Variants in DLG2 observed in about 807,000 individuals in gnomAD.
DLG2 encodes the protein disks large homolog 2.
In DLG2, 45 loss-of-function variants were observed where a neutral mutation model predicts 132.5. The observed-to-expected ratio is 0.34, with a 90% confidence interval of 0.27 to 0.44. The LOEUF is 0.44. DLG2 is among the 20% of genes least tolerant of loss of function. The pLI is 1.00. For synonymous variants in DLG2, 424 were observed against 419.6 expected (o/e 1.01, Z -0.13); for missense variants, 1,045 against 1,196.9 (o/e 0.87, Z 1.87).
intron 12 of DLG2, among the ~76,000 whole-genome samples, chr11:83,973,957 TCTAA>T (rs143812693): frequency 0.043 from 6,612 of 152,102 alleles, 199 homozygotes; most frequent in Non-Finnish European, 0.067. Context: ...TTGTCTAAGT[TCTAA>T]CTGAGTTCTA....
At chr11:84,249,090 C>T (rs900942046) in intron 8 of DLG2, among the ~76,000 whole-genome samples, 3 of 152,160 alleles carry the variant, frequency 2.0e-5, no homozygotes, top group African/African-American at 4.8e-5. Context: ...CTGGCAGTTA[C>T]GCCACCAGAA....
chr11:85,081,502 A>AC (rs1211048175), intron 6 of DLG2, among the ~76,000 whole-genome samples: 1 of 152,132 alleles, frequency 6.6e-6, no homozygotes, highest in Non-Finnish European at 1.5e-5. Flanking sequence ...GGTCCTAGAA[A>AC]CCAGAACTCC....
At chr11:84,791,941 T>A (rs781329311) in intron 6 of DLG2, among the ~76,000 whole-genome samples, 2 of 152,176 alleles carry the variant, frequency 1.3e-5, no homozygotes, top group Non-Finnish European at 2.9e-5. Context: ...ATTGTCTGAT[T>A]GCTGTAGCTA....
chr11:85,122,967 ATATTTTTT>A (rs1410992786), intron 5 of DLG2, among the ~76,000 whole-genome samples: 1 of 11,656 alleles, frequency 8.6e-5, no homozygotes, highest in African/African-American at 5.0e-4. Flanking sequence ...ATATATATAT[ATATTTTTT>A]TTTTTTTTTT....
rs1791836135 is a variant in DLG2, at chr11:84,289,857, T to C, written c.520-38566A>G. ...CAAAGTATTTTAGGATACTGTGTGA[T>C]GATCAGAGAAAGAAAACTTGTTTGA... is the stretch of plus-strand genomic sequence containing the variant. On this transcript the variant is annotated intron_variant, in intron 7 of 27. Coordinates refer to ENST00000376104, the MANE Select transcript of DLG2 (RefSeq NM_001142699.3). Among the ~76,000 whole-genome samples, 4 of 152,190 alleles carry C rather than the reference T, an allele frequency of 2.6e-5. No homozygotes were observed. The South Asian group carries it at 8.3e-4, about 31-fold the overall frequency.
At chr11:84,568,951 T>G (rs1291781339) in intron 6 of DLG2, among the ~76,000 whole-genome samples, 3 of 152,168 alleles carry the variant, frequency 2.0e-5, no homozygotes, top group South Asian at 4.1e-4. Flanking sequence ...TCCCCCTAAC[T>G]TTATAGCCTA....
chr11:85,199,385 G>T (rs893486231), intron 4 of DLG2, among the ~76,000 whole-genome samples: 6 of 152,148 alleles, frequency 3.9e-5, no homozygotes, highest in Non-Finnish European at 7.3e-5. Context: ...AAAAGTCTAA[G>T]GAATAATGTG....
chr11:84,772,688 G>C (rs1264223176), intron 6 of DLG2, among the ~76,000 whole-genome samples: 1 of 152,120 alleles, frequency 6.6e-6, no homozygotes, highest in African/African-American at 2.4e-5. Flanking sequence ...AGTCACTCCT[G>C]AATGACTTTT....
intron 9 of DLG2, among the ~76,000 whole-genome samples, chr11:84,106,897 T>G (rs1018002789): frequency 7.3e-6 from 1 of 136,446 alleles, no homozygotes; most frequent in African/African-American, 2.8e-5. Flanking sequence ...GTTTTAGCTT[T>G]AGGGGGTGTG....
chr11:83,606,946 GA>G (rs560943266), intron 19 of DLG2, among the ~76,000 whole-genome samples: 34 of 151,712 alleles, frequency 2.2e-4, no homozygotes, highest in Non-Finnish European at 2.2e-4. Context: ...AAAAGAAAAA[GA>G]AAAAAAAATT....
intron 18 of DLG2, among the ~76,000 whole-genome samples, chr11:83,641,595 T>C (rs12282021): frequency 0.32 from 47,970 of 152,022 alleles, 9,843 homozygotes; most frequent in African/African-American, 0.59. Flanking sequence ...AGGAAGGACG[T>C]CATTAGGAAC....
At position 83,652,412 on chromosome 11, in the gene DLG2, C is replaced by A. The variant is rs576602337; in HGVS notation, c.1826-19087G>T. 6.6e-5 allele frequency among the ~76,000 whole-genome samples: 10 copies of A among 152,242 alleles called. 1 individual carries two copies. Among genetic ancestry groups the A allele is most frequent in the Admixed American group, 5.9e-4 (9 of 15,294 alleles). ...TTGAGATGGAGTCTCGCTCTGTCAC[C>A]CAGGCTGGAGTGCAGTGGTGCAATC... On this transcript the variant is annotated intron_variant, in intron 18 of 27. Coordinates refer to ENST00000376104, the MANE Select transcript of DLG2 (RefSeq NM_001142699.3).
chr11:83,843,719 T>C (rs537854999), intron 16 of DLG2, among the ~76,000 whole-genome samples: 89 of 152,230 alleles, frequency 5.8e-4, no homozygotes, highest in African/African-American at 2.0e-3. Flanking sequence ...GTTCCTTGCT[T>C]GGGTAATGGA....
intron 5 of DLG2, among the ~76,000 whole-genome samples, chr11:85,152,184 T>C (rs1376659263): frequency 6.6e-6 from 1 of 152,092 alleles, no homozygotes; most frequent in Non-Finnish European, 1.5e-5. Context: ...ACATGATCAT[T>C]CTATCAAAAT....
chr11:85,393,216 G>GA (rs1476240136), intron 3 of DLG2, among the ~76,000 whole-genome samples: 23 of 152,104 alleles, frequency 1.5e-4, no homozygotes, highest in Admixed American at 9.2e-4. Context: ...ACAAACATAT[G>GA]AAAAAATGCT....
chr11:83,831,107 C>A (rs1242036118), intron 17 of DLG2, among the ~76,000 whole-genome samples: 1 of 152,138 alleles, frequency 6.6e-6, no homozygotes, highest in East Asian at 1.9e-4. Flanking sequence ...ATGTGCCAGG[C>A]ATTGTGCTAA....
intron 3 of DLG2, among the ~76,000 whole-genome samples, chr11:85,338,332 G>C (rs544677888): frequency 3.9e-4 from 60 of 152,238 alleles, no homozygotes; most frequent in Non-Finnish European, 6.9e-4. Context: ...ATCAATACTT[G>C]GAACAGCATT....
chr11:84,076,730 T>A (rs972656722), intron 10 of DLG2, among the ~76,000 whole-genome samples: 1 of 152,210 alleles, frequency 6.6e-6, no homozygotes, highest in Admixed American at 6.5e-5. Flanking sequence ...GAAGTCACTA[T>A]GATCTCCAAA....
intron 4 of DLG2, among the ~76,000 whole-genome samples, chr11:85,276,137 T>A (rs1164570341): frequency 2.0e-5 from 3 of 152,190 alleles, no homozygotes; most frequent in Admixed American, 6.6e-5. Context: ...TATCAAGTTA[T>A]TGGCAGTTCT....
Sources: gnomAD v4.1 joint callset for allele counts (sites outside exome capture counted in the v4.1 genomes callset) on GRCh38, gnomAD v4.1.1 for gene constraint, MANE v1.5 for transcripts, NCBI Gene and HGNC (gene_info 2026-07-23, HGNC 2026-07-21) for gene names.